MAP2K5: variants seen among roughly 807,000 people sequenced by gnomAD.
The protein encoded by MAP2K5 is dual specificity mitogen-activated protein kinase kinase 5.
In MAP2K5, 49 loss-of-function variants were observed where a neutral mutation model predicts 83.1. That is an observed-to-expected ratio of 0.59 (90% CI 0.47 to 0.75). MAP2K5 has a LOEUF of 0.75. Among genes scored for constraint, MAP2K5 ranks in the 30% least tolerant of loss-of-function variants. The probability of loss-of-function intolerance (pLI) is 0.00; values close to 1 mark genes in which losing one functional copy is unlikely to be tolerated. For missense variants in MAP2K5, 457 were observed against 557.5 expected (o/e 0.82, Z 1.82); for synonymous variants, 202 against 191.8 (o/e 1.05, Z -0.44).
At position 67,586,734 on chromosome 15, in the gene MAP2K5, A is replaced by T. The variant is rs542244451; in HGVS notation, c.364-112A>T. The T allele has an allele frequency of 1.2e-5, 11 of 954,624 alleles. No homozygotes were observed. In the African/African-American group the frequency reaches 1.8e-4, roughly 15 times the overall value. The allele number at this position is 954,624 out of a possible 1,614,324, so 59.1% of individuals were successfully genotyped here. A position where few individuals can be genotyped will look rare whatever the true frequency, so the allele number is the denominator to read the frequency against. ...GACTCCAACTGTGGGTTTGTCTAGCAACAAGCTAATTAACCTTCATAGTGA... is the reference window on the plus strand; with the variant it reads ...GACTCCAACTGTGGGTTTGTCTAGCTACAAGCTAATTAACCTTCATAGTGA... On this transcript the variant is annotated intron_variant, in intron 5 of 21. Transcript: ENST00000178640.
intron 17 of MAP2K5, among the ~76,000 whole-genome samples, chr15:67,735,017 T>C (rs191234968): frequency 6.6e-6 from 1 of 152,360 alleles, no homozygotes; most frequent in East Asian, 1.9e-4. Context: ...ATCCTGATAT[T>C]TCAAGCATAA....
At chr15:67,545,780 A>G (rs1262629518) in intron 1 of MAP2K5, among the ~76,000 whole-genome samples, 1 of 152,186 alleles carries the variant, frequency 6.6e-6, no homozygotes, top group African/African-American at 2.4e-5. Flanking sequence ...GGTGAAAGTA[A>G]TGCCTACCTC....
intron 19 of MAP2K5, among the ~76,000 whole-genome samples, chr15:67,762,012 G>A (rs900460338): frequency 6.6e-6 from 1 of 152,222 alleles, no homozygotes. Context: ...AAAAGCACAG[G>A]TAGGAATTGC....
chr15:67,700,179 A>G (rs1353217683), intron 15 of MAP2K5, among the ~76,000 whole-genome samples: 1 of 152,194 alleles, frequency 6.6e-6, no homozygotes, highest in Non-Finnish European at 1.5e-5. Context: ...TTAGTTAACT[A>G]AATGTGGATT....
rs977215497 is a variant in MAP2K5 at position 67,703,618 on chromosome 15, C to T, written c.1044+210C>T. 4.7e-4 allele frequency among the ~76,000 whole-genome samples: 71 copies of T among 152,124 alleles called. 1 individual carries two copies. The highest frequency in any genetic ancestry group is 1.0e-4 in the Non-Finnish European group (7 of 68,024). On this transcript the variant is annotated intron_variant, in intron 16 of 21. Coordinates refer to ENST00000178640, the MANE Select transcript of MAP2K5 (RefSeq NM_145160.3). ...TAAAGCACTGTTTATTACAGATCAC[C>T]TGTGTAAGACCTGCCTGGAGCGCTT...
At chr15:67,631,024 T>C in intron 9 of MAP2K5, 97 bp downstream of exon 9, 1 of 967,454 alleles carries the variant, frequency 1.0e-6, no homozygotes, top group Non-Finnish European at 1.6e-6. Flanking sequence ...GGAGATGAAA[T>C]GGCTTAAGGT....
chr15:67,709,002 G>A (rs1418517027), intron 16 of MAP2K5, among the ~76,000 whole-genome samples: 2 of 152,176 alleles, frequency 1.3e-5, no homozygotes, highest in African/African-American at 4.8e-5. Flanking sequence ...ACAAAAAGAT[G>A]GAAGTTATCC....
intron 15 of MAP2K5, among the ~76,000 whole-genome samples, chr15:67,700,540 G>A (rs907749740): frequency 6.6e-6 from 1 of 152,056 alleles, no homozygotes; most frequent in African/African-American, 2.4e-5. Context: ...GTTTTGTTTT[G>A]TTTTTCAGGG....
chr15:67,703,304 T>C (rs768235928), intron 15 of MAP2K5, 33 bp from the exon 16 acceptor site: 1 of 1,525,586 alleles, frequency 6.6e-7, no homozygotes, highest in Non-Finnish European at 9.1e-7. Flanking sequence ...GTAGCATCCG[T>C]CCACTCACAG....
Position 67,717,994 on chromosome 15 carries a change from A to G in MAP2K5, c.1045-9922A>G, listed in dbSNP as rs2088866823. 6.6e-6 allele frequency: 1 copy of G among 152,238 alleles called. No homozygotes were observed. The highest frequency in any genetic ancestry group is 1.5e-5 in the Non-Finnish European group (1 of 68,056). 9.4% of individuals were successfully genotyped at this position (152,238 alleles called of 1,614,324 possible). A position where few individuals can be genotyped will look rare whatever the true frequency, so the allele number is the denominator to read the frequency against. Reference sequence around the variant, plus strand: ...TTGGGCTGTAGATTCTTTTAAGGCCATCACTGGAAGCACGGCACATTTCAG... The same window carrying G: ...TTGGGCTGTAGATTCTTTTAAGGCCGTCACTGGAAGCACGGCACATTTCAG... On this transcript the variant is annotated intron_variant, in intron 16 of 21. Coordinates refer to ENST00000178640, the MANE Select transcript of MAP2K5 (RefSeq NM_145160.3). This position sits in a 1 kb window ranked among gnomAD's most constrained non-coding sequence, Gnocchi z 4.1.
intron 9 of MAP2K5, among the ~76,000 whole-genome samples, chr15:67,641,049 A>G (rs1187900486): frequency 1.3e-5 from 2 of 152,228 alleles, no homozygotes; most frequent in Admixed American, 6.5e-5. Flanking sequence ...GAAAACAAAT[A>G]AAAATACTGT....
intron 21 of MAP2K5, among the ~76,000 whole-genome samples, chr15:67,784,195 G>A (rs12902904): frequency 0.25 from 37,422 of 152,012 alleles, 4,708 homozygotes; most frequent in South Asian, 0.34. Context: ...TGCATAAACT[G>A]GGTCTCAGAG....
intron 11 of MAP2K5, among the ~76,000 whole-genome samples, chr15:67,647,822 T>C (rs1235180900): frequency 1.3e-5 from 2 of 151,778 alleles, no homozygotes; most frequent in Admixed American, 6.6e-5. Context: ...TGAACCAAGA[T>C]CGCGCCACTG....
intron 16 of MAP2K5, among the ~76,000 whole-genome samples, chr15:67,721,111 C>T (rs1241307320): frequency 1.3e-5 from 2 of 152,056 alleles, no homozygotes; most frequent in Admixed American, 6.6e-5. Flanking sequence ...TTTTTAAAAA[C>T]GTACTCTGTT....
chr15:67,664,745 C>A, intron 13 of MAP2K5, 100 bp downstream of exon 13: 5 of 706,514 alleles, frequency 7.1e-6, no homozygotes, highest in South Asian at 3.7e-5. Context: ...TTTAAGCCAG[C>A]TGATACATCT....
At chr15:67,639,850 C>T (rs1234294939) in intron 9 of MAP2K5, among the ~76,000 whole-genome samples, 4 of 152,182 alleles carry the variant, frequency 2.6e-5, no homozygotes, top group Non-Finnish European at 4.4e-5. Flanking sequence ...TGCTTTCACC[C>T]GTTATCTCTA....
intron 16 of MAP2K5, among the ~76,000 whole-genome samples, chr15:67,712,396 C>G (rs779366594): frequency 2.2e-4 from 34 of 152,174 alleles, no homozygotes; most frequent in South Asian, 2.1e-4. Flanking sequence ...CTTACTCTTA[C>G]AGAGACATTT....
At chr15:67,703,612 G>C (rs2088475096) in intron 16 of MAP2K5, among the ~76,000 whole-genome samples, 1 of 152,170 alleles carries the variant, frequency 6.6e-6, no homozygotes, top group African/African-American at 2.4e-5. Context: ...GTTTATTACA[G>C]ATCACCTGTG....
intron 17 of MAP2K5, among the ~76,000 whole-genome samples, chr15:67,730,628 A>G (rs2089198742): frequency 6.6e-6 from 1 of 152,208 alleles, no homozygotes; most frequent in African/African-American, 2.4e-5. Flanking sequence ...CAAGCTGAGA[A>G]CTATCTCATC....
Sources: allele counts gnomAD v4.1 joint callset (sites outside exome capture counted in the v4.1 genomes callset), GRCh38; gene constraint gnomAD v4.1.1; non-coding constraint Gnocchi (gnomAD v3.1); transcripts MANE v1.5; gene names NCBI Gene and HGNC (gene_info 2026-07-23, HGNC 2026-07-21).